The following PCDHGA2 variants were observed in gnomAD, a reference collection of about 807,000 sequenced individuals.
PCDHGA2 encodes the protein protocadherin gamma-A2.
In PCDHGA2, 40 loss-of-function variants were observed where a neutral mutation model predicts 59.2. That is an observed-to-expected ratio of 0.68 (90% CI 0.52 to 0.88). The LOEUF is 0.88. PCDHGA2 is among the 40% of genes least tolerant of loss of function. The pLI is 0.00. For synonymous variants in PCDHGA2, 560 were observed against 526.0 expected (o/e 1.06, Z -0.89); for missense variants, 1,226 against 1,204.0 (o/e 1.02, Z -0.27).
intron 1 of PCDHGA2, among the ~76,000 whole-genome samples, chr5:141,447,725 C>T (rs1009407606): frequency 1.3e-5 from 2 of 152,174 alleles, no homozygotes; most frequent in African/African-American, 4.8e-5. Context: ...TTTTCCAAAA[C>T]TCATTGAACT....
At chr5:141,375,579 C>G in intron 1 of PCDHGA2, 1 of 1,614,114 alleles carries the variant, frequency 6.2e-7, no homozygotes, top group South Asian at 1.1e-5. Flanking sequence ...CTCCAGGGGG[C>G]GCCCCTGTCC....
chr5:141,376,302 T>G, intron 1 of PCDHGA2: 2 of 1,614,166 alleles, frequency 1.2e-6, no homozygotes, highest in Non-Finnish European at 1.7e-6. Context: ...GGCTCGCACT[T>G]TGTGGGCGTG....
At chr5:141,344,847 G>T in intron 1 of PCDHGA2, 2 of 1,613,754 alleles carry the variant, frequency 1.2e-6, no homozygotes, top group Non-Finnish European at 1.7e-6. Flanking sequence ...CCCTGACGAG[G>T]GATTCAATGC....
At chr5:141,401,115 G>A (rs923480761) in intron 1 of PCDHGA2, among the ~76,000 whole-genome samples, 8 of 152,092 alleles carry the variant, frequency 5.3e-5, no homozygotes, top group Admixed American at 3.9e-4. Context: ...AGGCCGAGGC[G>A]GTTGGATCAC....
chr5:141,376,212 T>C lies in PCDHGA2; in HGVS notation c.2424+34817T>C, dbSNP rs200049429. ...TGCGTCTTCCTGGCCTTCGTCATCGTGCTGCTGGCGCTCAGACTGCAGCGC... is the reference window on the plus strand; with the variant it reads ...TGCGTCTTCCTGGCCTTCGTCATCGCGCTGCTGGCGCTCAGACTGCAGCGC... On this transcript the variant is annotated intron_variant, in intron 1 of 3. Transcript: ENST00000394576. The C allele has an allele frequency of 1.9e-5, 31 of 1,614,098 alleles. No homozygotes were observed. Among genetic ancestry groups the C allele is most frequent in the Non-Finnish European group, 1.7e-6 (2 of 1,180,044 alleles).
intron 1 of PCDHGA2, chr5:141,413,667 G>A: frequency 6.2e-7 from 1 of 1,613,836 alleles, no homozygotes; most frequent in Non-Finnish European, 8.5e-7. Flanking sequence ...CTATTGATCC[G>A]GATGTGGGCG....
Position 141,443,030 on chromosome 5 carries a change from C to A in PCDHGA2, c.2425-51777C>A, listed in dbSNP as rs147317486. ...ATATGACTAATGGAAGTTGCCAGAC[C>A]TAAACTTTGAAAATTATTGTTCCAC... On this transcript the variant is annotated intron_variant, in intron 1 of 3. Transcript: ENST00000394576. Among the ~76,000 whole-genome samples, 31 of 152,290 alleles carry A rather than the reference C, an allele frequency of 2.0e-4. No individual in the cohort carries two copies. The East Asian group carries it at 3.5e-3, about 17-fold the overall frequency.
At chr5:141,363,675 G>A (rs1763023401) in intron 1 of PCDHGA2, among the ~76,000 whole-genome samples, 1 of 152,208 alleles carries the variant, frequency 6.6e-6, no homozygotes, top group South Asian at 2.1e-4. Context: ...GCATATGACA[G>A]CTAATATAAC....
At chr5:141,421,080 C>G in intron 1 of PCDHGA2, 1 of 638,368 alleles carries the variant, frequency 1.6e-6, no homozygotes, top group South Asian at 2.1e-5. Flanking sequence ...GATGGATACT[C>G]ACAGATCCTG....
chr5:141,396,584 C>T (rs2093399172), intron 1 of PCDHGA2: 1 of 151,318 alleles, frequency 6.6e-6, no homozygotes, highest in Non-Finnish European at 1.5e-5. Flanking sequence ...CCTGTCACTG[C>T]ACTCCAGCCT....
chr5:141,507,735 C>T (rs942364858), intron 3 of PCDHGA2, among the ~76,000 whole-genome samples: 3 of 152,268 alleles, frequency 2.0e-5, no homozygotes, highest in Non-Finnish European at 2.9e-5. Flanking sequence ...TCATGCAGCT[C>T]GTTCCCCTGT....
At chr5:141,454,811 T>TTTTTA (rs1284435092) in intron 1 of PCDHGA2, among the ~76,000 whole-genome samples, 4 of 125,862 alleles carry the variant, frequency 3.2e-5, no homozygotes, top group African/African-American at 1.3e-4. Context: ...TTTTTTTTTT[T>TTTTTA]TTTTTTTTTT....
At chr5:141,478,644 T>G in intron 1 of PCDHGA2, 1 of 1,552,238 alleles carries the variant, frequency 6.4e-7, no homozygotes, top group South Asian at 1.2e-5. Context: ...GATGAAGATG[T>G]TTTCCTGGTG....
chr5:141,361,965 G>C, intron 1 of PCDHGA2: 1 of 1,602,240 alleles, frequency 6.2e-7, no homozygotes, highest in Non-Finnish European at 8.5e-7. Context: ...ACGTGCTGCA[G>C]GCCAGCGAGC....
Position 141,432,485 on chromosome 5 carries a change from G to C in PCDHGA2, c.2425-62322G>C. 6.2e-7 allele frequency: 1 copy of C among 1,614,186 alleles called. No individual in the cohort carries two copies. The highest frequency in any genetic ancestry group is 8.5e-7 in the Non-Finnish European group (1 of 1,180,040). On this transcript the variant is annotated intron_variant, in intron 1 of 3. Coordinates refer to ENST00000394576, the MANE Select transcript of PCDHGA2 (RefSeq NM_018915.4). The surrounding 1 kb of genome is among the most constrained non-coding windows in gnomAD (Gnocchi z 6.0). ...CCCCACGGACGGTTCCACTGGCGTG[G>C]AGCTGGCTCCCCGCTCCGCAGAGCC...
intron 1 of PCDHGA2, chr5:141,390,004 T>C (rs749173529): frequency 1.9e-6 from 3 of 1,614,044 alleles, no homozygotes; most frequent in Admixed American, 1.7e-5. Flanking sequence ...GCCATGATTC[T>C]GGCCATTGCC....
chr5:141,366,787 T>C, intron 1 of PCDHGA2: 1 of 1,572,004 alleles, frequency 6.4e-7, no homozygotes, highest in Non-Finnish European at 8.6e-7. Flanking sequence ...GACCAGAACA[T>C]TTTCATTTGT....
intron 1 of PCDHGA2, chr5:141,361,549 G>A (rs1366415460): frequency 1.9e-6 from 3 of 1,613,918 alleles, no homozygotes; most frequent in East Asian, 4.5e-5. Context: ...CGCCTCTATC[G>A]CTCAAATCAG....
intron 1 of PCDHGA2, among the ~76,000 whole-genome samples, chr5:141,353,318 T>C (rs1478802472): frequency 6.6e-6 from 1 of 152,214 alleles, no homozygotes; most frequent in Non-Finnish European, 1.5e-5. Flanking sequence ...TTTAGAGTTC[T>C]TCCCACCCAA....
Sources: gnomAD v4.1 joint callset for allele counts (sites outside exome capture counted in the v4.1 genomes callset) on GRCh38, gnomAD v4.1.1 for gene constraint, Gnocchi (gnomAD v3.1) non-coding constraint, MANE v1.5 for transcripts, NCBI Gene and HGNC (gene_info 2026-07-23, HGNC 2026-07-21) for gene names.